The following SORCS2 variants were observed in gnomAD, a reference collection of about 807,000 sequenced individuals.
SORCS2 encodes the protein sortilin related VPS10 domain containing receptor 2.
In SORCS2, 100 loss-of-function variants were observed where a neutral mutation model predicts 141.6. That is an observed-to-expected ratio of 0.71 (90% CI 0.60 to 0.83). The LOEUF is 0.83. SORCS2 is among the 40% of genes least tolerant of loss of function. The pLI, the probability that SORCS2 is intolerant of heterozygous loss-of-function variation, is 0.00. For synonymous variants in SORCS2, 789 were observed against 676.9 expected (o/e 1.17, Z -2.57); for missense variants, 1,646 against 1,560.2 (o/e 1.05, Z -0.93).
intron 1 of SORCS2, among the ~76,000 whole-genome samples, chr4:7,232,855 G>A (rs1042873536): frequency 1.3e-5 from 2 of 152,196 alleles, no homozygotes; most frequent in South Asian, 4.1e-4. Flanking sequence ...AGCCTCTGGG[G>A]GCCGAGCATG....
At position 7,326,419 on chromosome 4, in the gene SORCS2, C is replaced by T. The variant is rs542335466; in HGVS notation, c.481-69869C>T. On this transcript the variant is annotated intron_variant, in intron 1 of 26. Coordinates refer to ENST00000507866, the MANE Select transcript of SORCS2 (RefSeq NM_020777.3). ...GAGACTGCAGTGGTGATGCCACACC[C>T]GGCCTGGTGCCCACAGCCCTGCCGC... 1.7e-3 allele frequency among the ~76,000 whole-genome samples: 255 copies of T among 152,312 alleles called. 1 individual carries two copies. Among genetic ancestry groups the T allele is most frequent in the Middle Eastern group, 0.01 (3 of 294 alleles).
At chr4:7,635,220 G>A (rs1720164476) in intron 3 of SORCS2, among the ~76,000 whole-genome samples, 1 of 152,176 alleles carries the variant, frequency 6.6e-6, no homozygotes, top group Admixed American at 6.5e-5. Flanking sequence ...CTGCGTGGGT[G>A]CATCCTGCAG....
intron 2 of SORCS2, among the ~76,000 whole-genome samples, chr4:7,450,976 A>T (rs1004659980): frequency 6.6e-6 from 1 of 151,672 alleles, no homozygotes; most frequent in South Asian, 2.1e-4. Flanking sequence ...GAGTGAATGC[A>T]TGAGTGACTG....
rs564281106 is a variant in SORCS2, at chr4:7,676,979, C to T, written c.1341+750C>T. Among the ~76,000 whole-genome samples the T allele has an allele frequency of 3.0e-4, 41 of 136,904 alleles. 1 individual carries two copies. The highest frequency in any genetic ancestry group is 3.6e-3 in the Middle Eastern group (1 of 278). The allele number at this position is 136,904 out of a possible 152,430, so 89.8% of individuals were successfully genotyped here. ...CTTCCTCTCTCCACCCCAGCCCCTT[C>T]ATCTCCTCCTTCCTCTCCCTCTCTG... is the stretch of plus-strand genomic sequence containing the variant. On this transcript the variant is annotated intron_variant, in intron 9 of 26. Transcript: ENST00000507866.
At chr4:7,366,506 C>T (rs1721905421) in intron 1 of SORCS2, among the ~76,000 whole-genome samples, 1 of 144,320 alleles carries the variant, frequency 6.9e-6, no homozygotes, top group South Asian at 2.4e-4. Flanking sequence ...CTCCTCCAGG[C>T]TTCCCCTCCT....
intron 2 of SORCS2, among the ~76,000 whole-genome samples, chr4:7,427,483 T>C (rs1316169989): frequency 6.6e-6 from 1 of 152,124 alleles, no homozygotes; most frequent in Non-Finnish European, 1.5e-5. Context: ...GATGAGACGG[T>C]GGCAGGGGCC....
chr4:7,591,125 T>C (rs1460041571), intron 3 of SORCS2, among the ~76,000 whole-genome samples: 2 of 152,192 alleles, frequency 1.3e-5, no homozygotes, highest in Non-Finnish European at 2.9e-5. Flanking sequence ...GGCCAGCGCG[T>C]GCATCCTTAG....
chr4:7,392,909 G>T (rs867805766), intron 1 of SORCS2, among the ~76,000 whole-genome samples: 11 of 150,328 alleles, frequency 7.3e-5, no homozygotes, highest in East Asian at 2.0e-4. Context: ...GGGGGGGGGG[G>T]GGTGCTGCGA....
chr4:7,372,054 G>C (rs902214575), intron 1 of SORCS2, among the ~76,000 whole-genome samples: 3 of 152,292 alleles, frequency 2.0e-5, no homozygotes, highest in East Asian at 3.9e-4. Flanking sequence ...GGGTGAACAA[G>C]TGGGTCTTGG....
intron 4 of SORCS2, among the ~76,000 whole-genome samples, chr4:7,641,120 C>T (rs1393196285): frequency 2.0e-5 from 3 of 152,250 alleles, no homozygotes; most frequent in Non-Finnish European, 2.9e-5. Flanking sequence ...GTATTTCACA[C>T]TCTTCCATAT....
chr4:7,514,737 CCT>C (rs1462043135), intron 2 of SORCS2, among the ~76,000 whole-genome samples: 1 of 152,080 alleles, frequency 6.6e-6, no homozygotes, highest in Non-Finnish European at 1.5e-5. Flanking sequence ...CAGGGACACC[CCT>C]GTGAGCCTTG....
At chr4:7,492,324 G>A (rs1346308868) in intron 2 of SORCS2, among the ~76,000 whole-genome samples, 7 of 152,236 alleles carry the variant, frequency 4.6e-5, no homozygotes, top group Admixed American at 4.6e-4. Context: ...AGGTCGCGCG[G>A]TATTTGTCTT....
intron 2 of SORCS2, among the ~76,000 whole-genome samples, chr4:7,477,548 G>T (rs147862718): frequency 2.4e-4 from 37 of 152,064 alleles, no homozygotes; most frequent in Admixed American, 3.3e-4. Context: ...CATGCTCAAA[G>T]TTGGATTGGC....
intron 3 of SORCS2, among the ~76,000 whole-genome samples, chr4:7,637,771 G>A (rs1720365740): frequency 1.3e-5 from 2 of 152,214 alleles, no homozygotes; most frequent in South Asian, 4.1e-4. Context: ...TGAGCCGGCT[G>A]AGTTGGGGGT....
rs1716228423 is a variant in SORCS2, at chr4:7,286,431, C to T, written c.480+93305C>T. Among the ~76,000 whole-genome samples, 1 of 152,204 alleles carries T rather than the reference C, an allele frequency of 6.6e-6. No homozygotes were observed. Among genetic ancestry groups the T allele is most frequent in the Non-Finnish European group, 1.5e-5 (1 of 68,032 alleles). On this transcript the variant is annotated intron_variant, in intron 1 of 26. Transcript: ENST00000507866. This position sits in a 1 kb window ranked among gnomAD's most constrained non-coding sequence, Gnocchi z 4.1. Reference sequence around the variant, plus strand: ...GGGCGAAGGGAGACGTCCTGGAAGGCAGCCACGAGGCCTGACGTTGGAGAT... The same window carrying T: ...GGGCGAAGGGAGACGTCCTGGAAGGTAGCCACGAGGCCTGACGTTGGAGAT...
intron 1 of SORCS2, among the ~76,000 whole-genome samples, chr4:7,303,403 C>A (rs555335292): frequency 5.3e-5 from 8 of 152,186 alleles, no homozygotes; most frequent in Non-Finnish European, 1.2e-4. Flanking sequence ...AAAAGAAACC[C>A]GTCTCATCCC....
chr4:7,603,678 T>C (rs1352192395), intron 3 of SORCS2, among the ~76,000 whole-genome samples: 1 of 152,210 alleles, frequency 6.6e-6, no homozygotes, highest in African/African-American at 2.4e-5. Context: ...CTCTATTGTT[T>C]CTGTGGTTCT....
At chr4:7,650,678 G>A (rs1054127462) in intron 4 of SORCS2, among the ~76,000 whole-genome samples, 1 of 151,338 alleles carries the variant, frequency 6.6e-6, no homozygotes, top group South Asian at 2.1e-4. Context: ...CGCCAGCTCC[G>A]CAGACCCGGG....
intron 4 of SORCS2, among the ~76,000 whole-genome samples, chr4:7,643,342 C>A (rs926428506): frequency 3.9e-4 from 60 of 152,226 alleles, no homozygotes; most frequent in Non-Finnish European, 3.2e-4. Context: ...AACTGACCAG[C>A]CTGTTTCCTC....
Sources: allele counts gnomAD v4.1 joint callset (sites outside exome capture counted in the v4.1 genomes callset), GRCh38; gene constraint gnomAD v4.1.1; non-coding constraint Gnocchi (gnomAD v3.1); transcripts MANE v1.5; gene names NCBI Gene and HGNC (gene_info 2026-07-23, HGNC 2026-07-21).